CNOT6: variants seen among roughly 807,000 people sequenced by gnomAD.
The protein encoded by CNOT6 is CCR4-NOT transcription complex subunit 6.
Under a neutral mutation model 61.2 loss-of-function variants are expected in CNOT6, and 12 were observed. The ratio of observed to expected loss-of-function variants is 0.20; its 90% confidence interval spans 0.13 to 0.32. CNOT6 has a LOEUF of 0.32. Ranked by LOEUF, CNOT6 falls within the 10% of genes least tolerant of loss-of-function variation. The pLI, the probability that CNOT6 is intolerant of heterozygous loss-of-function variation, is 1.00. For synonymous variants in CNOT6, 225 were observed against 240.6 expected, an observed-to-expected ratio of 0.94 and a Z score of 0.60; for missense variants, 405 against 663.9, an observed-to-expected ratio of 0.61 and a Z score of 4.28.
At chr5:180,526,721 A>G (rs982716979) in intron 1 of CNOT6, among the ~76,000 whole-genome samples, 14 of 152,180 alleles carry the variant, frequency 9.2e-5, no homozygotes, top group East Asian at 1.9e-4. Context: ...TAGGTAGACA[A>G]TTGGTTAAAC....
At chr5:180,533,341 T>TATATATATATATATATATCAC (rs1561645134) in intron 2 of CNOT6, among the ~76,000 whole-genome samples, 3 of 141,418 alleles carry the variant, frequency 2.1e-5, no homozygotes, top group African/African-American at 7.9e-5. Context: ...TATATATATA[T>TATATATATATATATATATCAC]ATCACCGTAA....
At chr5:180,503,479 G>A (rs950618384) in intron 1 of CNOT6, among the ~76,000 whole-genome samples, 1 of 151,600 alleles carries the variant, frequency 6.6e-6, no homozygotes, top group Non-Finnish European at 1.5e-5. Flanking sequence ...TGGCCAGGCT[G>A]GTCTCGAACT....
rs1475054561 is a variant in CNOT6, at chr5:180,529,352, G to A, written c.76G>A (p.Gly26Arg). ...TATGTCTTCTGAGGAAGCAGCAAATGGAAAGAAATCCCACTGGGCAGAGCT... is the reference window on the plus strand; with the variant it reads ...TATGTCTTCTGAGGAAGCAGCAAATAGAAAGAAATCCCACTGGGCAGAGCT... The part of the protein sequence containing the change: ...TIMSSEEAAN[G>R]KKSHWAELEI... Residue 26 changes from glycine (G) to arginine (R), a missense_variant, in exon 2 of 12, where the codon GGA (glycine) becomes AGA (arginine). By Grantham distance (125) the Gly-to-Arg change is moderately radical. Around this residue, in one of 5 missense-constraint regions of CNOT6, gnomAD observed 212 missense variants for 307.1 expected, o/e 0.69. Transcript: ENST00000261951. 1.2e-6 allele frequency: 2 copies of A among 1,613,064 alleles called. No individual in the cohort carries two copies. The highest frequency in any genetic ancestry group is 4.5e-5 in the East Asian group (2 of 44,886).
intron 3 of CNOT6, among the ~76,000 whole-genome samples, chr5:180,552,833 C>T (rs1759691849): frequency 7.2e-6 from 1 of 139,202 alleles, no homozygotes; most frequent in South Asian, 2.3e-4. Flanking sequence ...GTTAATACAG[C>T]TGCTGTTATT....
chr5:180,526,596 G>C (rs1758112019), intron 1 of CNOT6, among the ~76,000 whole-genome samples: 1 of 152,156 alleles, frequency 6.6e-6, no homozygotes, highest in Non-Finnish European at 1.5e-5. Context: ...GGAATTTACA[G>C]TATTATTTCT....
At chr5:180,551,885 T>G (rs1212412198) in intron 3 of CNOT6, among the ~76,000 whole-genome samples, 1 of 151,702 alleles carries the variant, frequency 6.6e-6, no homozygotes, top group Non-Finnish European at 1.5e-5. Context: ...TTTTTTTTTT[T>G]GGAGACGGAA....
chr5:180,505,251 ATTTTTTTTTT>A (rs70973919), intron 1 of CNOT6, among the ~76,000 whole-genome samples: 1 of 60,424 alleles, frequency 1.7e-5, no homozygotes, highest in African/African-American at 7.7e-5. Flanking sequence ...GTAATAGTTA[ATTTTTTTTTT>A]TTTTTTTTTT....
At chr5:180,516,182 ATTTTT>A (rs11309577) in intron 1 of CNOT6, among the ~76,000 whole-genome samples, 1 of 137,966 alleles carries the variant, frequency 7.2e-6, no homozygotes, top group Non-Finnish European at 1.6e-5. Flanking sequence ...AAAATTCAGG[ATTTTT>A]TTTTTTTTTT....
At chr5:180,512,361 C>T (rs985587062) in intron 1 of CNOT6, among the ~76,000 whole-genome samples, 1 of 152,036 alleles carries the variant, frequency 6.6e-6, no homozygotes, top group African/African-American at 2.4e-5. Flanking sequence ...AAGAGTGGAG[C>T]GTATCTGAAG....
chr5:180,502,035 A>G (rs1010688221), intron 1 of CNOT6, among the ~76,000 whole-genome samples: 2 of 152,228 alleles, frequency 1.3e-5, no homozygotes, highest in Admixed American at 1.3e-4. Flanking sequence ...ACTATTTGCA[A>G]AAATTTAAAC....
At chr5:180,528,993 G>A (rs1479758734) in intron 1 of CNOT6, among the ~76,000 whole-genome samples, 1 of 152,082 alleles carries the variant, frequency 6.6e-6, no homozygotes, top group African/African-American at 2.4e-5. Flanking sequence ...GGCGGATCAT[G>A]AGGTCAGGAG....
intron 1 of CNOT6, among the ~76,000 whole-genome samples, chr5:180,495,227 C>T (rs940676098): frequency 1.3e-5 from 2 of 152,242 alleles, no homozygotes; most frequent in African/African-American, 2.4e-5. Flanking sequence ...ACCCCCTCCC[C>T]TAAAATGTTT....
At chr5:180,525,148 G>A (rs1758042469) in intron 1 of CNOT6, among the ~76,000 whole-genome samples, 1 of 152,190 alleles carries the variant, frequency 6.6e-6, no homozygotes, top group Non-Finnish European at 1.5e-5. Context: ...TATAAGACCA[G>A]TTTGTTTTAT....
intron 5 of CNOT6, 39 bp downstream of exon 5, chr5:180,564,632 C>G (rs752279163): frequency 6.2e-7 from 1 of 1,604,554 alleles, no homozygotes; most frequent in Non-Finnish European, 8.5e-7. Flanking sequence ...ATTAGGAAGA[C>G]GTGTAAGAAT....
At position 180,552,361 on chromosome 5, in the gene CNOT6, T is replaced by C. The variant is rs549079965; in HGVS notation, c.300-1025T>C. Among the ~76,000 whole-genome samples, 38 of 151,334 alleles carry C rather than the reference T, an allele frequency of 2.5e-4. No homozygotes were observed. In the South Asian group the frequency reaches 4.0e-3, roughly 16 times the overall value. ...CACACTTAAAAAGTGACAAATAGGC[T>C]GGGCACGATGGCTCAAGCCTATAAT... is the stretch of plus-strand genomic sequence containing the variant. On this transcript the variant is annotated intron_variant, in intron 3 of 11. Coordinates refer to ENST00000261951, the MANE Select transcript of CNOT6 (RefSeq NM_001370472.1).
chr5:180,569,423 T>G (rs971269445), intron 10 of CNOT6, 83 bp downstream of exon 10: 50 of 1,130,802 alleles, frequency 4.4e-5, no homozygotes, highest in Non-Finnish European at 5.4e-5. Flanking sequence ...CATTCCAAAT[T>G]AAGTCCAAAT....
At chr5:180,499,752 T>C (rs1756779412) in intron 1 of CNOT6, among the ~76,000 whole-genome samples, 1 of 151,956 alleles carries the variant, frequency 6.6e-6, no homozygotes, top group African/African-American at 2.4e-5. Flanking sequence ...GGCATTTTCT[T>C]TGAAAAAGCC....
Position 180,564,601 on chromosome 5 carries a change from G to A in CNOT6, c.490+8G>A. The A allele has an allele frequency of 6.2e-7, 1 of 1,611,912 alleles. No homozygotes were observed. Among genetic ancestry groups the A allele is most frequent in the Non-Finnish European group, 8.5e-7 (1 of 1,178,030 alleles). On this transcript the variant is annotated splice_region_variant and intron_variant, in intron 5 of 11. Coordinates refer to ENST00000261951, the MANE Select transcript of CNOT6 (RefSeq NM_001370472.1). ...CAGGTACTGCAAAAAGAAGTAAGTGGTTATTTGTTTAAACCTTTTTATTAG... is the reference window on the plus strand; with the variant it reads ...CAGGTACTGCAAAAAGAAGTAAGTGATTATTTGTTTAAACCTTTTTATTAG...
chr5:180,552,571 G>A (rs925202725), intron 3 of CNOT6, among the ~76,000 whole-genome samples: 9 of 151,826 alleles, frequency 5.9e-5, no homozygotes, highest in African/African-American at 1.7e-4. Flanking sequence ...GCGTGAACCC[G>A]GGAGGCGGAG....
Sources: allele counts gnomAD v4.1 joint callset (sites outside exome capture counted in the v4.1 genomes callset), GRCh38; gene constraint gnomAD v4.1.1; regional missense constraint gnomAD v4.1.1; transcripts MANE v1.5; gene names NCBI Gene and HGNC (gene_info 2026-07-23, HGNC 2026-07-21).